The following HPN variants were observed in gnomAD, a reference collection of about 807,000 sequenced individuals.
HPN encodes hepsin, also known as serine protease hepsin.
Under a neutral mutation model 55.9 loss-of-function variants are expected in HPN, and 13 were observed. The observed-to-expected ratio is 0.23, with a 90% CI of 0.15 to 0.37. The LOEUF (loss-of-function observed/expected upper bound fraction) is 0.37. Ranked by LOEUF, HPN falls within the 10% of genes least tolerant of loss-of-function variation. The pLI is 1.00. For missense variants in HPN, 451 were observed against 575.8 expected (o/e 0.78, Z 2.22); for synonymous variants, 225 against 240.3 (o/e 0.94, Z 0.59).
Position 35,059,921 on chromosome 19 carries a change from G to A in HPN, c.338G>A (p.Gly113Asp). ...ELDVRTAGAN[G>D]TSGFFCVDEG... ...GACGTGCGAACGGCGGGCGCCAATGGCACGTCGGGCTTCTTCTGTGTGGAC... is the reference window on the plus strand; with the variant it reads ...GACGTGCGAACGGCGGGCGCCAATGACACGTCGGGCTTCTTCTGTGTGGAC... The change falls in exon 6 of 13, where the codon GGC (glycine) becomes GAC (aspartate). Residue 113 changes from glycine (G) to aspartate (D), a missense_variant. Gly to Asp is a moderately conservative substitution (Grantham distance 94). Around this residue, in one of 2 missense-constraint regions of HPN, gnomAD observed 378 missense variants for 445.5 expected, o/e 0.85. Transcript: ENST00000672452. 1 of 1,510,936 alleles carries A rather than the reference G, an allele frequency of 6.6e-7. No individual in the cohort carries two copies. The highest frequency in any genetic ancestry group is 8.8e-7 in the Non-Finnish European group (1 of 1,130,504). 93.6% of individuals were successfully genotyped at this position (1,510,936 alleles called of 1,614,324 possible).
intron 4 of HPN, among the ~76,000 whole-genome samples, chr19:35,055,577 A>G (rs1025993992): frequency 6.6e-6 from 1 of 151,958 alleles, no homozygotes; most frequent in African/African-American, 2.4e-5. Context: ...CAGATCTTGC[A>G]GGAAACCCTG....
At chr19:35,065,709 T>C in intron 11 of HPN, 28 bp downstream of exon 11, 1 of 1,612,930 alleles carries the variant, frequency 6.2e-7, no homozygotes, top group Non-Finnish European at 8.5e-7. Context: ...GGCAGCCCCC[T>C]GGTCGCTGCC....
chr19:35,058,853 C>T (rs990784031), intron 4 of HPN, among the ~76,000 whole-genome samples: 3 of 151,874 alleles, frequency 2.0e-5, no homozygotes, highest in African/African-American at 4.8e-5. Flanking sequence ...TAAAGAGCTT[C>T]GGTTTCTCCA....
upstream of HPN, chr19:35,041,689 C>CGAA: frequency 5.7e-5 from 22 of 385,696 alleles, no homozygotes; most frequent in South Asian, 8.4e-5. Context: ...CCCGCCCCTT[C>CGAA]ACCCGCCCCT....
In HPN at chr19:35,060,267, T is replaced by C. The variant is rs564703251; in HGVS notation, c.455-80T>C. 1.1e-5 allele frequency: 18 copies of C among 1,606,508 alleles called. No individual in the cohort carries two copies. In the African/African-American group the frequency reaches 2.0e-4, roughly 18 times the overall value. On this transcript the variant is annotated intron_variant, in intron 7 of 12. Coordinates refer to ENST00000672452, the MANE Select transcript of HPN (RefSeq NM_001384133.1). Reference sequence around the variant, plus strand: ...TGGGGCCATGTACTTTCAGACCCCCTAGGGCAGGGCCAAGCCTGGGCTCTG... The same window carrying C: ...TGGGGCCATGTACTTTCAGACCCCCCAGGGCAGGGCCAAGCCTGGGCTCTG...
rs539735431 is a variant in HPN, at chr19:35,045,452, C to T, written c.16+2930C>T. Among the ~76,000 whole-genome samples the T allele has an allele frequency of 4.8e-4, 73 of 152,150 alleles. 4 individuals carry two copies. In the South Asian group the frequency reaches 0.014, roughly 29 times the overall value. ...TGAGTGGATTTTCAGAGCCAGAGAG[C>T]CAAAGGTGTTACGCGTGGGGGTCTT... On this transcript the variant is annotated intron_variant, in intron 2 of 12. Coordinates refer to ENST00000672452, the MANE Select transcript of HPN (RefSeq NM_001384133.1).
chr19:35,041,389 CG>C, upstream of HPN, among the ~76,000 whole-genome samples: 1 of 151,220 alleles, frequency 6.6e-6, no homozygotes, highest in South Asian at 2.1e-4. Context: ...GCAGAAAGGG[CG>C]GGGGGAAGGG....
intron 1 of HPN, 188 bp from the exon 2 acceptor site, chr19:35,042,265 C>G: frequency 7.4e-7 from 1 of 1,347,158 alleles, no homozygotes. Flanking sequence ...ATCCAGGCGT[C>G]CCCCCGCTGC....
chr19:35,042,712 C>A (rs950272464), intron 2 of HPN, among the ~76,000 whole-genome samples, 190 bp downstream of exon 2: 7 of 152,140 alleles, frequency 4.6e-5, no homozygotes, highest in Non-Finnish European at 7.3e-5. Context: ...GTGCCACCAC[C>A]AGCCTCCCTT....
chr19:35,065,091 G>A (rs963439650), intron 9 of HPN, among the ~76,000 whole-genome samples, 159 bp from the exon 10 acceptor site: 9 of 152,104 alleles, frequency 5.9e-5, no homozygotes, highest in Admixed American at 5.2e-4. Flanking sequence ...CAAAGTGCTG[G>A]GATTACAGGC....
chr19:35,041,894 C>A, intron 1 of HPN, 22 bp downstream of exon 1: 1 of 1,329,644 alleles, frequency 7.5e-7, no homozygotes, highest in East Asian at 4.9e-5. Flanking sequence ...GGCCCCCAGA[C>A]TCACAGTTCC....
At chr19:35,058,142 G>C (rs1466266252) in intron 4 of HPN, among the ~76,000 whole-genome samples, 1 of 151,698 alleles carries the variant, frequency 6.6e-6, no homozygotes, top group Admixed American at 6.6e-5. Context: ...AACAGAGTGA[G>C]ACTCCGTCTC....
Position 35,059,775 on chromosome 19 carries a change from T to A in HPN, c.263T>A (p.Leu88His), listed in dbSNP as rs140445063. ...SSRSNARVAG[L>H]SCEEMGFLRA... ...CGCTCCAACGCCAGGGTAGCCGGAC[T>A]CAGCTGCGAGGAGATGGGCTTCCTC... The change falls in exon 5 of 13, where the codon CTC becomes CAC. Residue 88 changes from leucine to histidine, a missense_variant. Physicochemically the swap from Leu to His is moderately conservative, Grantham distance 99. This residue lies in a region of HPN where 378 missense variants were observed against 445.5 expected (regional missense o/e 0.85). Transcript: ENST00000672452. 1.4e-4 allele frequency: 224 copies of A among 1,585,372 alleles called. 1 individual carries two copies. The highest frequency in any genetic ancestry group is 1.7e-4 in the Non-Finnish European group (193 of 1,165,890).
At chr19:35,065,067 C>T (rs1268764179) in intron 9 of HPN, among the ~76,000 whole-genome samples, 183 bp from the exon 10 acceptor site, 3 of 152,190 alleles carry the variant, frequency 2.0e-5, no homozygotes, top group Non-Finnish European at 2.9e-5. Flanking sequence ...AGTGATCCTC[C>T]TGCCTCGGCC....
At chr19:35,042,234 T>A (rs1600374587) in intron 1 of HPN, 1 of 1,321,784 alleles carries the variant, frequency 7.6e-7, no homozygotes, top group East Asian at 3.4e-5. Context: ...GGCTCAGGCA[T>A]GGGGGTCCCC....
rs1410626590 is a variant in HPN, at chr19:35,065,111, T to C, written c.812-139T>C. ...TGCTGGGATTACAGGCATGAGCCAC[T>C]GTGCCCAGCCTATTGTGGTTTTTTT... On this transcript the variant is annotated intron_variant, in intron 9 of 12. Coordinates refer to ENST00000672452, the MANE Select transcript of HPN (RefSeq NM_001384133.1). 1.4e-5 allele frequency: 8 copies of C among 583,890 alleles called. No individual in the cohort carries two copies. The East Asian group carries it at 2.3e-4, about 17-fold the overall frequency. 36.2% of individuals were successfully genotyped at this position (583,890 alleles called of 1,614,324 possible).
chr19:35,053,605 C>T (rs1031181186), intron 4 of HPN, among the ~76,000 whole-genome samples: 2 of 152,088 alleles, frequency 1.3e-5, no homozygotes, highest in Admixed American at 6.6e-5. Context: ...ATTAGCCGGG[C>T]GTGGTGGCTG....
intron 11 of HPN, 45 bp from the exon 12 acceptor site, chr19:35,065,823 T>C (rs763958561): frequency 2.5e-6 from 4 of 1,610,202 alleles, no homozygotes; most frequent in Non-Finnish European, 3.4e-6. Flanking sequence ...GGGCCTCCTG[T>C]CCAACCACTT....
In HPN at chr19:35,049,394, G is replaced by A. The variant is rs762532486; in HGVS notation, c.118+3G>A. On this transcript the variant is annotated splice_donor_region_variant and intron_variant, in intron 3 of 12. Transcript: ENST00000672452. ...CGGGGCGGCATCCTGGGCCATTGGT[G>A]AGAGCGGTTCCTGTGCCTCTGACCT... 2 of 1,607,154 alleles carry A rather than the reference G, an allele frequency of 1.2e-6. No homozygotes were observed. The highest frequency in any genetic ancestry group is 2.2e-5 in the South Asian group (2 of 90,330).
Sources: allele counts gnomAD v4.1 joint callset (sites outside exome capture counted in the v4.1 genomes callset), GRCh38; gene constraint gnomAD v4.1.1; regional missense constraint gnomAD v4.1.1; transcripts MANE v1.5; gene names NCBI Gene and HGNC (gene_info 2026-07-23, HGNC 2026-07-21).